TTC6: variants seen among roughly 807,000 people sequenced by gnomAD.
TTC6 encodes the protein tetratricopeptide repeat protein 6.
TTC6 carries 172 observed loss-of-function variants against 210.4 expected under a neutral mutation model. The ratio of observed to expected loss-of-function variants is 0.82; its 90% CI spans 0.72 to 0.93. The LOEUF (loss-of-function observed/expected upper bound fraction) is 0.93. Ranked by LOEUF, TTC6 falls within the 40% of genes least tolerant of loss-of-function variation. The probability of loss-of-function intolerance (pLI) is 0.00; values close to 1 mark genes in which losing one functional copy is unlikely to be tolerated. For synonymous variants in TTC6, 804 were observed against 819.6 expected, an observed-to-expected ratio of 0.98 and a Z score of 0.32; for missense variants, 2,414 against 2,318.1, an observed-to-expected ratio of 1.04 and a Z score of -0.85.
intron 5 of TTC6, among the ~76,000 whole-genome samples, chr14:37,702,133 T>C (rs1307265087): frequency 1.3e-5 from 2 of 152,192 alleles, no homozygotes; most frequent in Non-Finnish European, 2.9e-5. Flanking sequence ...TGCTGTGTGC[T>C]TTGCATATGT....
intron 5 of TTC6, among the ~76,000 whole-genome samples, chr14:37,702,904 C>A (rs1566898630): frequency 6.6e-6 from 1 of 150,620 alleles, no homozygotes; most frequent in Non-Finnish European, 1.5e-5. Flanking sequence ...TCTATGTAGG[C>A]AAAAAAAAAT....
intron 14 of TTC6, among the ~76,000 whole-genome samples, chr14:37,785,715 T>C (rs2096065951): frequency 6.6e-6 from 1 of 152,272 alleles, no homozygotes; most frequent in Non-Finnish European, 1.5e-5. Context: ...ATTTTTAGAA[T>C]GTTCAGCTTT....
At chr14:37,765,283 C>G (rs1482767423) in intron 14 of TTC6, among the ~76,000 whole-genome samples, 1 of 151,492 alleles carries the variant, frequency 6.6e-6, no homozygotes, top group Non-Finnish European at 1.5e-5. Context: ...CCACCTCAGA[C>G]TCCCAGGTAG....
At position 37,728,596 on chromosome 14, in the gene TTC6, T is replaced by A. The variant is rs542395728; in HGVS notation, c.1818+3594T>A. On this transcript the variant is annotated intron_variant, in intron 7 of 30. Transcript: ENST00000553443. ...GTCTAGCCCTGTGTTCTTTTCTCTG[T>A]GTTCAGAAATATTTTTAGGTTAATA... 1.8e-4 allele frequency among the ~76,000 whole-genome samples: 27 copies of A among 152,354 alleles called. 1 individual carries two copies. The highest frequency in any genetic ancestry group is 7.2e-4 in the Admixed American group (11 of 15,304).
chr14:37,832,508 G>A (rs529671127), intron 29 of TTC6, among the ~76,000 whole-genome samples: 3 of 151,600 alleles, frequency 2.0e-5, no homozygotes, highest in South Asian at 4.2e-4. Context: ...TTGGTATGTT[G>A]TGTTTCCATT....
At chr14:37,755,385 A>C (rs1258356277) in intron 14 of TTC6, among the ~76,000 whole-genome samples, 1 of 152,156 alleles carries the variant, frequency 6.6e-6, no homozygotes, top group African/African-American at 2.4e-5. Context: ...TAGTTTAATT[A>C]GATCCCATTT....
chr14:37,648,727 T>C (rs1243173527), intron 1 of TTC6, among the ~76,000 whole-genome samples: 1 of 152,222 alleles, frequency 6.6e-6, no homozygotes, highest in African/African-American at 2.4e-5. Context: ...GTTTCTTTAA[T>C]GATTACTAAT....
At chr14:37,641,307 T>G (rs762130287) in intron 1 of TTC6, among the ~76,000 whole-genome samples, 41 of 152,296 alleles carry the variant, frequency 2.7e-4, no homozygotes, top group Admixed American at 5.2e-4. Context: ...TTCTTTACAG[T>G]GTTTGTTTTA....
intron 6 of TTC6, among the ~76,000 whole-genome samples, chr14:37,717,005 A>G: frequency 6.6e-6 from 1 of 152,172 alleles, no homozygotes; most frequent in East Asian, 1.9e-4. Context: ...AGGTTAAAGA[A>G]GAAGTTTCAA....
At chr14:37,686,680 C>A (rs1357925946) in intron 3 of TTC6, among the ~76,000 whole-genome samples, 1 of 152,162 alleles carries the variant, frequency 6.6e-6, no homozygotes, top group Non-Finnish European at 1.5e-5. Context: ...CGGTGGCAGA[C>A]AAGAGAAGAG....
intron 1 of TTC6, among the ~76,000 whole-genome samples, chr14:37,639,339 C>T (rs989631082): frequency 6.6e-6 from 1 of 152,180 alleles, no homozygotes; most frequent in African/African-American, 2.4e-5. Flanking sequence ...ATCTTTTCTA[C>T]TGAAAACTAC....
chr14:37,742,910 T>C (rs2095925142), intron 10 of TTC6, among the ~76,000 whole-genome samples: 1 of 152,216 alleles, frequency 6.6e-6, no homozygotes, highest in Non-Finnish European at 1.5e-5. Flanking sequence ...AGAAGATGAA[T>C]AGCCTATCCA....
rs566689336 is a variant in TTC6, at chr14:37,817,118, C to A, written c.4690-460C>A. 3.3e-5 allele frequency among the ~76,000 whole-genome samples: 5 copies of A among 152,322 alleles called. No individual in the cohort carries two copies. In the South Asian group the frequency reaches 1.0e-3, roughly 32 times the overall value. On this transcript the variant is annotated intron_variant, in intron 25 of 30. Coordinates refer to ENST00000553443, the Ensembl canonical transcript of TTC6. Reference sequence around the variant, plus strand: ...AGCAGCCCCAGCTCATCCACACAGACCCTTTCCCCAACCTGGATGCCTGCT... The same window carrying A: ...AGCAGCCCCAGCTCATCCACACAGAACCTTTCCCCAACCTGGATGCCTGCT...
rs999626821 is a variant in TTC6 at position 37,623,142 on chromosome 14, T to C, written c.939+139T>C. Reference sequence around the variant, plus strand: ...ATAACACAAAAACACTGGGGTGTTATTCAACTTCTTTGCATTTTGTTTGAA... The same window carrying C: ...ATAACACAAAAACACTGGGGTGTTACTCAACTTCTTTGCATTTTGTTTGAA... On this transcript the variant is annotated intron_variant, in intron 1 of 30. Coordinates refer to ENST00000553443, the Ensembl canonical transcript of TTC6. 5.0e-6 allele frequency: 3 copies of C among 598,502 alleles called. No individual in the cohort carries two copies. In the African/African-American group the frequency reaches 5.8e-5, roughly 12 times the overall value. 37.1% of individuals were successfully genotyped at this position (598,502 alleles called of 1,614,324 possible).
At chr14:37,622,388 T>C (rs2095652779) in exon 1 of TTC6, 1 of 1,532,510 alleles carries the variant, frequency 6.5e-7, no homozygotes, top group Non-Finnish European at 8.7e-7. Flanking sequence ...AGGCGGCGGC[T>C]CCAGGCAAGA....
intron 1 of TTC6, among the ~76,000 whole-genome samples, chr14:37,630,907 G>GTTTTTTTTTTTGTTTTTTTTTTTTTT (rs2095668331): frequency 9.1e-5 from 3 of 33,064 alleles, no homozygotes; most frequent in Admixed American, 4.2e-4. Flanking sequence ...GGCAACCCCT[G>GTTTTTTTTTTTGTTTTTTTTTTTTTT]TTTTTTTTTT....
intron 7 of TTC6, among the ~76,000 whole-genome samples, chr14:37,732,658 G>C (rs1286053053): frequency 2.7e-5 from 4 of 150,284 alleles, no homozygotes; most frequent in Non-Finnish European, 5.9e-5. Context: ...TTGCTCTGTC[G>C]CCCAGGCTAG....
At chr14:37,633,780 T>G (rs2139353691) in intron 1 of TTC6, among the ~76,000 whole-genome samples, 1 of 152,268 alleles carries the variant, frequency 6.6e-6, no homozygotes, top group East Asian at 1.9e-4. Context: ...AGAACAGTAA[T>G]GAGACACTCC....
intron 1 of TTC6, among the ~76,000 whole-genome samples, chr14:37,597,049 G>A (rs1452355841): frequency 6.7e-6 from 1 of 148,976 alleles, no homozygotes; most frequent in African/African-American, 2.5e-5. Flanking sequence ...GGGTAGAAAC[G>A]TCACATCATA....
Sources: allele counts gnomAD v4.1 joint callset (sites outside exome capture counted in the v4.1 genomes callset), GRCh38; gene constraint gnomAD v4.1.1; transcripts MANE v1.5; gene names NCBI Gene and HGNC (gene_info 2026-07-23, HGNC 2026-07-21).